The following ZNF362 variants were observed in gnomAD, a reference collection of about 807,000 sequenced individuals.
ZNF362 encodes zinc finger protein 362, also known as rotund homolog.
Under a neutral mutation model 42.9 loss-of-function variants are expected in ZNF362, and 11 were observed. That is an observed-to-expected ratio of 0.26 (90% CI 0.16 to 0.42). The LOEUF is 0.42. Ranked by LOEUF, ZNF362 falls within the 20% of genes least tolerant of loss-of-function variation. The pLI is 1.00. For missense variants in ZNF362, 362 were observed against 576.2 expected (o/e 0.63, Z 3.81); for synonymous variants, 255 against 257.3 (o/e 0.99, Z 0.09).
At chr1:33,264,326 G>A (rs1645849595) in intron 1 of ZNF362, among the ~76,000 whole-genome samples, 1 of 152,154 alleles carries the variant, frequency 6.6e-6, no homozygotes, top group Admixed American at 6.5e-5. Flanking sequence ...TGGCATTACT[G>A]GCTGGTCAGA....
Position 33,276,600 on chromosome 1 carries a change from C to G in ZNF362, c.349+6C>G. The G allele has an allele frequency of 1.5e-6, 2 of 1,339,406 alleles. No homozygotes were observed. The highest frequency in any genetic ancestry group is 6.5e-5 in the East Asian group (2 of 30,954). 83.0% of individuals were successfully genotyped at this position (1,339,406 alleles called of 1,614,324 possible). On this transcript the variant is annotated splice_donor_region_variant and intron_variant, in intron 4 of 8. Coordinates refer to ENST00000539719, the MANE Select transcript of ZNF362 (RefSeq NM_152493.3). ...GGCCACCAGCACCGTCACAGGTAGG[C>G]CGAGCGGGCGGGGCCGGCGGGGCCG...
the ZNF362 span, among the ~76,000 whole-genome samples, chr1:33,251,393 A>G: frequency 6.6e-6 from 1 of 152,164 alleles, no homozygotes; most frequent in African/African-American, 2.4e-5. Context: ...CACCTCTGCC[A>G]ATGCCAAGGT....
the ZNF362 span, among the ~76,000 whole-genome samples, chr1:33,133,437 C>T: frequency 0.023 from 3,476 of 152,316 alleles, 132 homozygotes; most frequent in African/African-American, 0.068. Flanking sequence ...TCCCTGTCAT[C>T]GTGGACCTTG....
Position 33,299,152 on chromosome 1 carries a change from C to A in ZNF362, c.*106C>A. 1 of 823,334 alleles carries A rather than the reference C, an allele frequency of 1.2e-6. No homozygotes were observed. Among genetic ancestry groups the A allele is most frequent in the South Asian group, 1.5e-5 (1 of 66,026 alleles). 51.0% of individuals were successfully genotyped at this position (823,334 alleles called of 1,614,324 possible). On this transcript the variant is annotated 3_prime_UTR_variant, in exon 9 of 9. Coordinates refer to ENST00000539719, the MANE Select transcript of ZNF362 (RefSeq NM_152493.3). Reference sequence around the variant, plus strand: ...CCCTCCAGGAACCACCAAGCTCTCTCACGACCTTCCCAATCTTCCAGAAAG... The same window carrying A: ...CCCTCCAGGAACCACCAAGCTCTCTAACGACCTTCCCAATCTTCCAGAAAG...
the ZNF362 span, among the ~76,000 whole-genome samples, chr1:33,178,756 T>C: frequency 6.6e-6 from 1 of 152,214 alleles, no homozygotes; most frequent in Admixed American, 6.5e-5. Flanking sequence ...CCCACAACAG[T>C]GCACTAGAGA....
chr1:33,276,175 G>T lies in ZNF362; in HGVS notation c.102+12G>T. ...CCATGCCCAGCCAGGTAAGACTGAC[G>T]TCGCCCCTCCGGCTGCCCTACCCTC... On this transcript the variant is annotated intron_variant, in intron 3 of 8. Coordinates refer to ENST00000539719, the MANE Select transcript of ZNF362 (RefSeq NM_152493.3). 1 of 1,612,968 alleles carries T rather than the reference G, an allele frequency of 6.2e-7. No homozygotes were observed.
chr1:33,137,434 T>C, the ZNF362 span, among the ~76,000 whole-genome samples: 1 of 152,210 alleles, frequency 6.6e-6, no homozygotes, highest in African/African-American at 2.4e-5. Context: ...ACCTGGTCTA[T>C]AATTGGATTC....
chr1:33,134,685 T>C, the ZNF362 span, among the ~76,000 whole-genome samples: 2 of 152,160 alleles, frequency 1.3e-5, no homozygotes, highest in Admixed American at 6.5e-5. Flanking sequence ...ACTGCAGGAA[T>C]TTTCTCTTGG....
At chr1:33,176,417 C>T in the ZNF362 span, 16 of 696,132 alleles carry the variant, frequency 2.3e-5, no homozygotes, top group Middle Eastern at 2.3e-4. Context: ...CCAGGGCTTG[C>T]GTCCAAGGCT....
At chr1:33,147,012 G>A in the ZNF362 span, 1 of 667,302 alleles carries the variant, frequency 1.5e-6, no homozygotes, top group Non-Finnish European at 2.6e-6. The surrounding 1 kb of genome is among the most constrained non-coding windows in gnomAD (Gnocchi z 8.1). Context: ...AGTTTAGGAA[G>A]TAGGGAATGC....
chr1:33,240,144 G>C, the ZNF362 span, among the ~76,000 whole-genome samples: 3 of 152,136 alleles, frequency 2.0e-5, no homozygotes, highest in Non-Finnish European at 4.4e-5. Flanking sequence ...ACTTATTAGT[G>C]ACAAAGGGAA....
At chr1:33,293,800 G>A (rs1182374881) in intron 6 of ZNF362, among the ~76,000 whole-genome samples, 1 of 152,162 alleles carries the variant, frequency 6.6e-6, no homozygotes, top group Non-Finnish European at 1.5e-5. Flanking sequence ...CCAGGCTGCT[G>A]AGCTCCATTT....
At chr1:33,145,636 G>A in the ZNF362 span, 2 of 278,736 alleles carry the variant, frequency 7.2e-6, no homozygotes, top group Admixed American at 9.9e-5. Context: ...GAGACCCCAA[G>A]TGCAGAATCT....
At chr1:33,217,797 C>T in the ZNF362 span, among the ~76,000 whole-genome samples, 4 of 132,326 alleles carry the variant, frequency 3.0e-5, no homozygotes, top group African/African-American at 1.1e-4. Flanking sequence ...CACACACAAA[C>T]ACACACCCAC....
the ZNF362 span, among the ~76,000 whole-genome samples, chr1:33,196,854 G>A: frequency 9.2e-5 from 14 of 152,280 alleles, no homozygotes; most frequent in African/African-American, 3.4e-4. Context: ...AATATTAGGT[G>A]TCAATTTGAT....
intron 1 of ZNF362, among the ~76,000 whole-genome samples, chr1:33,264,451 G>C (rs998169056): frequency 6.6e-6 from 1 of 152,154 alleles, no homozygotes; most frequent in Admixed American, 6.5e-5. Flanking sequence ...GGCAGTGTTC[G>C]AAAGATTTTA....
chr1:33,254,905 A>G (rs984423133), upstream of ZNF362, among the ~76,000 whole-genome samples: 2 of 152,176 alleles, frequency 1.3e-5, no homozygotes, highest in African/African-American at 2.4e-5. Context: ...GAATTTCTCA[A>G]CAATGGGTTG....
the ZNF362 span, among the ~76,000 whole-genome samples, chr1:33,139,416 G>T: frequency 6.6e-6 from 1 of 152,332 alleles, no homozygotes; most frequent in East Asian, 1.9e-4. Flanking sequence ...AGATGCTCAT[G>T]CCTAGTGGCA....
the ZNF362 span, among the ~76,000 whole-genome samples, chr1:33,209,323 A>C: frequency 9.8e-5 from 15 of 152,314 alleles, no homozygotes; most frequent in South Asian, 2.7e-3. Context: ...TCGGTTTGCC[A>C]GTATTTTATT....
Sources: gnomAD v4.1 joint callset for allele counts (sites outside exome capture counted in the v4.1 genomes callset) on GRCh38, gnomAD v4.1.1 for gene constraint, Gnocchi (gnomAD v3.1) non-coding constraint, MANE v1.5 for transcripts, NCBI Gene and HGNC (gene_info 2026-07-23, HGNC 2026-07-21) for gene names.